HRH4: variants seen among roughly 807,000 people sequenced by gnomAD.
HRH4 encodes histamine H4 receptor.
In HRH4, 12 loss-of-function variants were observed where a neutral mutation model predicts 10.4. That is an observed-to-expected ratio of 1.15 (90% CI 0.74 to 1.87). HRH4 has a LOEUF of 1.87. Ranked by LOEUF, HRH4 falls within the 40% of genes most tolerant of loss-of-function variation. The pLI is 0.00. For synonymous variants in HRH4, 154 were observed against 166.6 expected (o/e 0.92, Z 0.58); for missense variants, 415 against 453.3 (o/e 0.92, Z 0.77).
intron 2 of HRH4, among the ~76,000 whole-genome samples, chr18:24,470,108 T>C (rs2144374504): frequency 6.6e-6 from 1 of 152,072 alleles, no homozygotes; most frequent in South Asian, 2.1e-4. Flanking sequence ...CAGCTGGAGG[T>C]TGACAGGATT....
chr18:24,468,796 T>A lies in HRH4; in HGVS notation c.202T>A (p.Ser68Thr), dbSNP rs1217084990. The change falls in exon 2 of 3, where the codon TCC (serine) becomes ACC (threonine). Residue 68 changes from serine to threonine, a missense_variant. Coordinates refer to ENST00000256906, the MANE Select transcript of HRH4 (RefSeq NM_021624.4). The stretch of plus-strand genomic sequence containing the variant: ...ATGTTTTCCCTGTGCAGGTGTGATC[T>A]CCATTCCTTTGTACATCCCTCACAC... ...AISDFFVGVI[S>T]IPLYIPHTLF... 1.9e-6 allele frequency: 3 copies of A among 1,612,268 alleles called. No homozygotes were observed. The highest frequency in any genetic ancestry group is 4.5e-5 in the East Asian group (2 of 44,860).
chr18:24,473,236 T>G (rs1057191831), intron 2 of HRH4, among the ~76,000 whole-genome samples: 1 of 152,130 alleles, frequency 6.6e-6, no homozygotes, highest in African/African-American at 2.4e-5. Context: ...AGAAAGAAAC[T>G]TGACAGTAAA....
At position 24,479,219 on chromosome 18, in the gene HRH4, C is replaced by T. The variant is rs1480219679; in HGVS notation, c.*1657C>T. On this transcript the variant is annotated 3_prime_UTR_variant, in exon 3 of 3. Coordinates refer to ENST00000256906, the MANE Select transcript of HRH4 (RefSeq NM_021624.4). ...AAACTCCTGGGCTGAAACAATCCTC[C>T]CGCCTTGGCCTCCCAAAGTGCTGGG... 6.6e-6 allele frequency: 1 copy of T among 152,128 alleles called. No individual in the cohort carries two copies. Among genetic ancestry groups the T allele is most frequent in the African/African-American group, 2.4e-5 (1 of 41,422 alleles). 9.4% of individuals were successfully genotyped at this position (152,128 alleles called of 1,614,324 possible). A position where few individuals can be genotyped will look rare whatever the true frequency, so the allele number is the denominator to read the frequency against.
At chr18:24,464,614 A>C (rs938150050) in intron 1 of HRH4, among the ~76,000 whole-genome samples, 3 of 151,992 alleles carry the variant, frequency 2.0e-5, no homozygotes, top group African/African-American at 7.3e-5. Flanking sequence ...CCATTTTCTC[A>C]TGGAAGATAT....
In HRH4 at chr18:24,460,641, A is replaced by T; in HGVS notation, c.-88A>T. 1.3e-6 allele frequency: 1 copy of T among 765,784 alleles called. No individual in the cohort carries two copies. The highest frequency in any genetic ancestry group is 2.0e-6 in the Non-Finnish European group (1 of 496,270). 47.4% of individuals were successfully genotyped at this position (765,784 alleles called of 1,614,324 possible). A position where few individuals can be genotyped will look rare whatever the true frequency, so the allele number is the denominator to read the frequency against. ...TGTTGTTTTGAGTGGAAGACTACAC[A>T]TTTTAGGTATGTGATTAGAAAACAT... is the stretch of plus-strand genomic sequence containing the variant. On this transcript the variant is annotated 5_prime_UTR_variant, in exon 1 of 3. Transcript: ENST00000256906.
intron 2 of HRH4, among the ~76,000 whole-genome samples, chr18:24,469,508 T>A (rs1162855299): frequency 1.3e-5 from 2 of 152,212 alleles, no homozygotes; most frequent in Non-Finnish European, 2.9e-5. Context: ...TAGCCTCATC[T>A]ACGAGTTAGT....
intron 2 of HRH4, 119 bp downstream of exon 2, chr18:24,469,070 C>G (rs1909863762): frequency 8.4e-6 from 6 of 711,980 alleles, no homozygotes; most frequent in East Asian, 3.0e-5. Flanking sequence ...TTAGAGGAAC[C>G]CTATCCTTTT....
At chr18:24,465,012 C>T (rs1435702824) in intron 1 of HRH4, among the ~76,000 whole-genome samples, 4 of 151,968 alleles carry the variant, frequency 2.6e-5, no homozygotes, top group Non-Finnish European at 4.4e-5. Flanking sequence ...GAAGCCTGGG[C>T]GTGGTGGCTC....
Position 24,477,954 on chromosome 18 carries a change from C to T in HRH4, c.*392C>T, listed in dbSNP as rs1331068441. The T allele has an allele frequency of 6.2e-6, 1 of 161,916 alleles. No homozygotes were observed. The highest frequency in any genetic ancestry group is 1.4e-5 in the Non-Finnish European group (1 of 73,828). The allele number at this position is 161,916 out of a possible 1,614,324, so 10.0% of individuals were successfully genotyped here. A position where few individuals can be genotyped will look rare whatever the true frequency, so the allele number is the denominator to read the frequency against. On this transcript the variant is annotated 3_prime_UTR_variant, in exon 3 of 3. Coordinates refer to ENST00000256906, the MANE Select transcript of HRH4 (RefSeq NM_021624.4). The stretch of plus-strand genomic sequence containing the variant: ...AGCATGCAATAGGAAAAAGAACCTC[C>T]TGGCTGGGACTGCCCAACTCTGTTC...
intron 1 of HRH4, among the ~76,000 whole-genome samples, chr18:24,465,318 C>T: frequency 6.6e-6 from 1 of 151,934 alleles, no homozygotes; most frequent in East Asian, 1.9e-4. Context: ...AAAGGAAAGA[C>T]ATTTGAGCAA....
chr18:24,466,139 G>T (rs1035590650), intron 1 of HRH4, among the ~76,000 whole-genome samples: 10 of 151,716 alleles, frequency 6.6e-5, no homozygotes, highest in Non-Finnish European at 1.5e-4. Flanking sequence ...TTGAGGCAGG[G>T]TCTCACTCTG....
At chr18:24,473,732 A>G (rs1158185684) in intron 2 of HRH4, among the ~76,000 whole-genome samples, 3 of 152,228 alleles carry the variant, frequency 2.0e-5, no homozygotes, top group Non-Finnish European at 2.9e-5. Flanking sequence ...TTTGGGGGAC[A>G]TAATTTAACC....
At chr18:24,476,074 G>A (rs1160196188) in intron 2 of HRH4, among the ~76,000 whole-genome samples, 1 of 152,122 alleles carries the variant, frequency 6.6e-6, no homozygotes, top group Non-Finnish European at 1.5e-5. Context: ...TCTTGGGAGT[G>A]ATGAGAGTCT....
intron 2 of HRH4, among the ~76,000 whole-genome samples, chr18:24,471,538 C>T (rs766336593): frequency 1.4e-4 from 17 of 122,110 alleles, no homozygotes; most frequent in African/African-American, 3.1e-4. Flanking sequence ...ACCCGGGAGG[C>T]GGAGGTTGCA....
Position 24,478,881 on chromosome 18 carries a change from C to T in HRH4, c.*1319C>T, listed in dbSNP as rs1202711416. ...GTAGAGATGAAGTCTCACTGTGTTG[C>T]CCAGCCTGGGTGTCAATAATTATTT... is the stretch of plus-strand genomic sequence containing the variant. On this transcript the variant is annotated 3_prime_UTR_variant, in exon 3 of 3. Transcript: ENST00000256906. The T allele has an allele frequency of 2.0e-5, 3 of 151,872 alleles. No individual in the cohort carries two copies. Among genetic ancestry groups the T allele is most frequent in the Non-Finnish European group, 4.4e-5 (3 of 67,970 alleles). The allele number at this position is 151,872 out of a possible 1,614,324, so 9.4% of individuals were successfully genotyped here.
chr18:24,462,064 A>G (rs1909655222), intron 1 of HRH4, among the ~76,000 whole-genome samples: 1 of 152,216 alleles, frequency 6.6e-6, no homozygotes, highest in African/African-American at 2.4e-5. Flanking sequence ...GAATAGAGGC[A>G]TTTAACATGA....
intron 2 of HRH4, among the ~76,000 whole-genome samples, chr18:24,474,028 T>G (rs890826963): frequency 9.8e-5 from 15 of 152,322 alleles, no homozygotes; most frequent in Middle Eastern, 3.4e-3. Context: ...TCCCCGGAGA[T>G]GCACAGATCA....
chr18:24,468,086 G>C (rs904126446), intron 1 of HRH4, among the ~76,000 whole-genome samples: 1 of 152,142 alleles, frequency 6.6e-6, no homozygotes, highest in Non-Finnish European at 1.5e-5. Flanking sequence ...TGGTGTCTGT[G>C]GGGGGTTTGT....
chr18:24,476,636 A>G, intron 2 of HRH4, 111 bp from the exon 3 acceptor site: 1 of 772,936 alleles, frequency 1.3e-6, no homozygotes, highest in East Asian at 2.5e-5. Flanking sequence ...TACCCAGGTT[A>G]GTTAATGTCT....
Sources: allele counts gnomAD v4.1 joint callset (sites outside exome capture counted in the v4.1 genomes callset), GRCh38; gene constraint gnomAD v4.1.1; transcripts MANE v1.5; gene names NCBI Gene and HGNC (gene_info 2026-07-23, HGNC 2026-07-21).